UST: variants seen among roughly 807,000 people sequenced by gnomAD.
UST encodes chondroitin sulfate 2-O-sulfotransferase.
In UST, 21 loss-of-function variants were observed where a neutral mutation model predicts 45.6. That is an observed-to-expected ratio of 0.46 (90% confidence interval 0.33 to 0.66). The LOEUF (loss-of-function observed/expected upper bound fraction) is 0.66. UST is among the 30% of genes least tolerant of loss of function. The pLI is 0.02. For missense variants in UST, 463 were observed against 512.4 expected (o/e 0.90, Z 0.93); for synonymous variants, 215 against 200.6 (o/e 1.07, Z -0.61).
intron 1 of UST, among the ~76,000 whole-genome samples, chr6:148,869,624 G>A (rs1778511484): frequency 6.6e-6 from 1 of 152,112 alleles, no homozygotes. Context: ...GTATAAGACC[G>A]ACGCTGGCAT....
In UST at chr6:148,865,664, TTGTGTGTGTGTG is replaced by T. The variant is rs56252604; in HGVS notation, c.248-21283_248-21272del. On this transcript the variant is annotated intron_variant, in intron 1 of 7. Coordinates refer to ENST00000367463, the MANE Select transcript of UST (RefSeq NM_005715.3). ...TTGACCCATTCTTTCCTTGCTGAAA[TTGTGTGTGTGTG>T]TGTGTGTGTGTGTGTGTGTGTGTGT... 4.0e-3 allele frequency among the ~76,000 whole-genome samples: 475 copies of T among 117,900 alleles called. 4 individuals are homozygous for T. The highest frequency in any genetic ancestry group is 0.011 in the African/African-American group (366 of 32,990). 77.3% of individuals were successfully genotyped at this position (117,900 alleles called of 152,430 possible).
At chr6:148,785,011 C>A (rs1029338116) in intron 1 of UST, among the ~76,000 whole-genome samples, 1 of 152,140 alleles carries the variant, frequency 6.6e-6, no homozygotes, top group Non-Finnish European at 1.5e-5. Flanking sequence ...GGAGTTGCAA[C>A]CAGTCTGGGC....
chr6:148,842,789 C>A (rs924384221), intron 1 of UST, among the ~76,000 whole-genome samples: 1 of 152,150 alleles, frequency 6.6e-6, no homozygotes, highest in Non-Finnish European at 1.5e-5. Context: ...GCGTGGCCCT[C>A]GTCTGTATAT....
chr6:148,953,771 CAA>C (rs58266916), intron 3 of UST, 99 bp from the exon 4 acceptor site: 12,963 of 262,912 alleles, frequency 0.049, no homozygotes, highest in East Asian at 0.085. Context: ...GACTCCATCT[CAA>C]AAAAAAAAAA....
chr6:148,942,696 T>C (rs1205218298), intron 3 of UST, among the ~76,000 whole-genome samples: 1 of 152,198 alleles, frequency 6.6e-6, no homozygotes, highest in East Asian at 1.9e-4. Context: ...AATTTACCAA[T>C]TGCGTATTTC....
chr6:149,070,933 A>C (rs557520495), intron 7 of UST, among the ~76,000 whole-genome samples: 1 of 152,062 alleles, frequency 6.6e-6, no homozygotes, highest in South Asian at 2.1e-4. Flanking sequence ...ACGCCCAGCT[A>C]ATTTGTGTAT....
Position 148,882,240 on chromosome 6 carries a change from C to T in UST, c.248-4746C>T, listed in dbSNP as rs369942021. ...GTGGCTCACACCTGCAATCCTAGCA[C>T]TTTGGGAGTCCAAGGCGGGTGGATC... On this transcript the variant is annotated intron_variant, in intron 1 of 7. Coordinates refer to ENST00000367463, the MANE Select transcript of UST (RefSeq NM_005715.3). Among the ~76,000 whole-genome samples, 441 of 152,208 alleles carry T rather than the reference C, an allele frequency of 2.9e-3. 1 individual carries two copies. Among genetic ancestry groups the T allele is most frequent in the African/African-American group, 9.8e-3 (405 of 41,532 alleles).
intron 1 of UST, among the ~76,000 whole-genome samples, chr6:148,766,571 C>T (rs1776328178): frequency 6.6e-6 from 1 of 152,058 alleles, no homozygotes; most frequent in Non-Finnish European, 1.5e-5. Flanking sequence ...ACTTAAGATC[C>T]CGTATGAGGT....
chr6:148,817,559 G>T (rs1184720625), intron 1 of UST, among the ~76,000 whole-genome samples: 1 of 152,126 alleles, frequency 6.6e-6, no homozygotes, highest in Non-Finnish European at 1.5e-5. Context: ...TGGAAGGGGT[G>T]GGGGAGCTTC....
At chr6:148,778,563 G>A (rs749315265) in intron 1 of UST, among the ~76,000 whole-genome samples, 13 of 152,144 alleles carry the variant, frequency 8.5e-5, no homozygotes, top group Non-Finnish European at 1.8e-4. Flanking sequence ...CTCCCTTTCA[G>A]CCCCTGACCC....
intron 3 of UST, among the ~76,000 whole-genome samples, chr6:148,949,107 A>G (rs932449795): frequency 3.9e-5 from 6 of 152,180 alleles, no homozygotes; most frequent in Non-Finnish European, 1.5e-5. Context: ...CCTGACCAAC[A>G]TGGTGAAACC....
intron 7 of UST, among the ~76,000 whole-genome samples, chr6:149,043,003 CTTTCTTTCTTTCTTTCTT>C (rs1776340945): frequency 4.3e-5 from 5 of 115,898 alleles, no homozygotes; most frequent in Admixed American, 2.3e-4. Context: ...TTCTTTCTTT[CTTTCTTTCTTTCTTTCTT>C]TTTCTTTCTT....
At chr6:149,000,102 C>A (rs1022224628) in intron 5 of UST, among the ~76,000 whole-genome samples, 1 of 152,168 alleles carries the variant, frequency 6.6e-6, no homozygotes, top group Non-Finnish European at 1.5e-5. Flanking sequence ...TCCTGGCCAA[C>A]AAGAGGGCCA....
intron 1 of UST, among the ~76,000 whole-genome samples, chr6:148,832,083 G>A (rs1181182937): frequency 4.6e-5 from 7 of 152,102 alleles, no homozygotes; most frequent in South Asian, 2.1e-4. Flanking sequence ...AGCCTCCACC[G>A]CCTGGATTCA....
chr6:148,918,430 T>G (rs1480695125), intron 2 of UST, among the ~76,000 whole-genome samples: 1 of 152,256 alleles, frequency 6.6e-6, no homozygotes, highest in East Asian at 1.9e-4. Flanking sequence ...CACCTCATTC[T>G]TCAGTGATCT....
intron 1 of UST, among the ~76,000 whole-genome samples, chr6:148,824,726 T>C (rs1263414092): frequency 6.8e-6 from 1 of 147,920 alleles, no homozygotes; most frequent in Non-Finnish European, 1.5e-5. Context: ...ATGTGCACAT[T>C]GTGCAGGTTA....
intron 1 of UST, among the ~76,000 whole-genome samples, chr6:148,862,902 C>A (rs1778347631): frequency 6.7e-6 from 1 of 149,562 alleles, no homozygotes; most frequent in African/African-American, 2.5e-5. Flanking sequence ...TGTGGGTAAC[C>A]TGACCTTTCT....
intron 5 of UST, among the ~76,000 whole-genome samples, chr6:148,984,990 G>A (rs974021924): frequency 6.6e-6 from 1 of 152,250 alleles, no homozygotes; most frequent in Non-Finnish European, 1.5e-5. Flanking sequence ...AAAGGATGAA[G>A]AGGCGTTCAG....
At chr6:148,817,487 C>T (rs533813969) in intron 1 of UST, among the ~76,000 whole-genome samples, 109 of 152,190 alleles carry the variant, frequency 7.2e-4, no homozygotes, top group African/African-American at 2.5e-3. Flanking sequence ...TTTAGGGAGA[C>T]ATGAGATTGA....
Sources: gnomAD v4.1 joint callset for allele counts (sites outside exome capture counted in the v4.1 genomes callset) on GRCh38, gnomAD v4.1.1 for gene constraint, MANE v1.5 for transcripts, NCBI Gene and HGNC (gene_info 2026-07-23, HGNC 2026-07-21) for gene names.